Variants in HOOK3 observed in about 807,000 individuals in gnomAD.
HOOK3 encodes the protein protein Hook homolog 3.
Under a neutral mutation model 116.3 loss-of-function variants are expected in HOOK3, and 24 were observed. The observed-to-expected ratio is 0.21, with a 90% CI of 0.15 to 0.29. The LOEUF (loss-of-function observed/expected upper bound fraction) is 0.29. Ranked by LOEUF, HOOK3 falls within the 10% of genes least tolerant of loss-of-function variation. The probability of loss-of-function intolerance (pLI) is 1.00; values close to 1 mark genes in which losing one functional copy is unlikely to be tolerated. For missense variants in HOOK3, 632 were observed against 830.2 expected, an observed-to-expected ratio of 0.76 and a Z score of 2.93; for synonymous variants, 275 against 283.0, an observed-to-expected ratio of 0.97 and a Z score of 0.28.
Position 42,964,459 on chromosome 8 carries a change from A to G in HOOK3, c.764A>G (p.Gln255Arg). 2 of 1,609,526 alleles carry G rather than the reference A, an allele frequency of 1.2e-6. No homozygotes were observed. Among genetic ancestry groups the G allele is most frequent in the East Asian group, 4.5e-5 (2 of 44,874 alleles). ...CTCCAGACTCAATTAGAACAGCTCC[A>G]AGAAGAAACATTCAGGTAAAAGACA... ...LQLQTQLEQLQEETFRLEAAK... is the reference protein window; with the variant it reads ...LQLQTQLEQLREETFRLEAAK... Residue 255 changes from glutamine to arginine, a missense_variant, in exon 9 of 22, where the codon CAA becomes CGA. This residue lies in a region of HOOK3 where 483 missense variants were observed against 648.1 expected (regional missense o/e 0.75). Transcript: ENST00000307602.
At chr8:42,972,228 G>A (rs983797949) in intron 11 of HOOK3, among the ~76,000 whole-genome samples, 2 of 152,086 alleles carry the variant, frequency 1.3e-5, no homozygotes, top group African/African-American at 4.8e-5. Context: ...ATGGGTTGAG[G>A]TTTTGTTTCT....
intron 8 of HOOK3, 93 bp downstream of exon 8, chr8:42,959,407 T>A: frequency 2.4e-6 from 2 of 818,006 alleles, no homozygotes; most frequent in Non-Finnish European, 2.0e-6. Context: ...ACATCTTAAC[T>A]ATAACGCAAC....
Position 42,961,452 on chromosome 8 carries a change from G to T in HOOK3, c.615+2138G>T, listed in dbSNP as rs1808533044. 2.6e-5 allele frequency among the ~76,000 whole-genome samples: 4 copies of T among 152,144 alleles called. No homozygotes were observed. In the South Asian group the frequency reaches 6.2e-4, roughly 24 times the overall value. ...TAGGTGAGTGAGTGAATGAGTGGGT[G>T]GGTGACTGAGTGAAATGAATCAGTA... On this transcript the variant is annotated intron_variant, in intron 8 of 21. Coordinates refer to ENST00000307602, the MANE Select transcript of HOOK3 (RefSeq NM_032410.4).
At chr8:42,899,764 C>T (rs565642702) in intron 1 of HOOK3, among the ~76,000 whole-genome samples, 2 of 152,332 alleles carry the variant, frequency 1.3e-5, no homozygotes, top group African/African-American at 4.8e-5. Flanking sequence ...CAGCAAAATG[C>T]AGACAACTGT....
Position 43,018,600 on chromosome 8 carries a change from T to G in HOOK3, c.*102T>G. The G allele has an allele frequency of 8.3e-7, 1 of 1,199,502 alleles. No homozygotes were observed. The allele number at this position is 1,199,502 out of a possible 1,614,324, so 74.3% of individuals were successfully genotyped here. On this transcript the variant is annotated 3_prime_UTR_variant, in exon 22 of 22. Coordinates refer to ENST00000307602, the MANE Select transcript of HOOK3 (RefSeq NM_032410.4). ...TCAGCCAGCTTATTTTTTGTTTCTC[T>G]TCTATGTCAATACTTAGTGTTTCTC...
rs1401040803 is a variant in HOOK3 at position 43,025,879 on chromosome 8, T to C, written c.*7381T>C. 2 of 209,878 alleles carry C rather than the reference T, an allele frequency of 9.5e-6. No individual in the cohort carries two copies. Among genetic ancestry groups the C allele is most frequent in the Non-Finnish European group, 1.9e-5 (2 of 103,542 alleles). 13.0% of individuals were successfully genotyped at this position (209,878 alleles called of 1,614,324 possible). A position where few individuals can be genotyped will look rare whatever the true frequency, so the allele number is the denominator to read the frequency against. On this transcript the variant is annotated 3_prime_UTR_variant, in exon 22 of 22. Transcript: ENST00000307602. ...AAGGCAAAAGTAGACATTTTTAAAG[T>C]ATATTCAACATTGTGCCATTATTTA...
chr8:42,943,271 T>A, intron 4 of HOOK3, 42 bp from the exon 5 acceptor site: 4 of 1,195,802 alleles, frequency 3.3e-6, no homozygotes, highest in Non-Finnish European at 4.4e-6. Flanking sequence ...TTTTTGGTCA[T>A]ATAAATGTAA....
intron 11 of HOOK3, among the ~76,000 whole-genome samples, chr8:42,971,798 A>G (rs1808733000): frequency 1.3e-5 from 2 of 152,092 alleles, no homozygotes; most frequent in African/African-American, 4.8e-5. Flanking sequence ...CTCCTGCCAC[A>G]GTCTCCCGAG....
Position 42,943,405 on chromosome 8 carries a change from G to A in HOOK3, c.360G>A (p.Gln120=). The A allele has an allele frequency of 6.4e-7, 1 of 1,574,156 alleles. No homozygotes were observed. Among genetic ancestry groups the A allele is most frequent in the Non-Finnish European group, 8.6e-7 (1 of 1,159,554 alleles). Residue 120 remains glutamine (Q), a synonymous_variant, in exon 5 of 22, where the codon CAG becomes CAA. Transcript: ENST00000307602. ...CAGCAGAGCTTGGAAGGATGCTTCA[G>A]CTCATCTTAGGCTGTGCTGTGAACT... ...SDAAELGRML[Q]LILGCAVNCE... is the part of the protein sequence containing the mutation.
intron 1 of HOOK3, among the ~76,000 whole-genome samples, chr8:42,904,300 T>C (rs906750822): frequency 6.7e-6 from 1 of 149,850 alleles, no homozygotes; most frequent in Admixed American, 6.6e-5. Flanking sequence ...CTGCAGCCGG[T>C]ATGATCTTTT....
intron 1 of HOOK3, among the ~76,000 whole-genome samples, chr8:42,897,865 G>C (rs888338740): frequency 6.6e-6 from 1 of 152,206 alleles, no homozygotes; most frequent in Non-Finnish European, 1.5e-5. Context: ...TCCTGAAGCC[G>C]GGTCTTCAGG....
chr8:42,943,211 C>T, intron 4 of HOOK3, 102 bp from the exon 5 acceptor site: 2 of 638,696 alleles, frequency 3.1e-6, no homozygotes, highest in Non-Finnish European at 2.4e-6. Flanking sequence ...ATCACTCTGT[C>T]CTTGGCAATG....
In HOOK3 at chr8:43,004,055, G is replaced by A. The variant is rs1489987730; in HGVS notation, c.1655+1914G>A. Among the ~76,000 whole-genome samples, 3 of 152,076 alleles carry A rather than the reference G, an allele frequency of 2.0e-5. No homozygotes were observed. The East Asian group carries it at 5.8e-4, about 29-fold the overall frequency. On this transcript the variant is annotated intron_variant, in intron 17 of 21. Transcript: ENST00000307602. Reference sequence around the variant, plus strand: ...GGAGCCACAGATATCTCCAAATATGGCCAGCCTCATGCATATTTAAAATGA... The same window carrying A: ...GGAGCCACAGATATCTCCAAATATGACCAGCCTCATGCATATTTAAAATGA...
At chr8:43,011,367 C>G (rs941599886) in intron 19 of HOOK3, among the ~76,000 whole-genome samples, 1 of 151,814 alleles carries the variant, frequency 6.6e-6, no homozygotes, top group African/African-American at 2.4e-5. Context: ...GATTTGTGCT[C>G]AAGTATTTAA....
Position 42,897,073 on chromosome 8 carries a change from G to A in HOOK3, c.-59G>A. 2 of 1,216,058 alleles carry A rather than the reference G, an allele frequency of 1.6e-6. No individual in the cohort carries two copies. The highest frequency in any genetic ancestry group is 4.2e-5 in the South Asian group (1 of 24,016). The allele number at this position is 1,216,058 out of a possible 1,614,324, so 75.3% of individuals were successfully genotyped here. ...AGCTGCGCGGGCCCCCGGATCCCCC[G>A]ACAGAGCGGCGGCGGTGTCTGGCCA... On this transcript the variant is annotated 5_prime_UTR_variant, in exon 1 of 22. Coordinates refer to ENST00000307602, the MANE Select transcript of HOOK3 (RefSeq NM_032410.4).
intron 13 of HOOK3, among the ~76,000 whole-genome samples, chr8:42,978,084 C>A (rs545299582): frequency 6.6e-6 from 1 of 152,096 alleles, no homozygotes; most frequent in African/African-American, 2.4e-5. Context: ...ACTTATTTCT[C>A]CAGAGCCAGA....
At chr8:42,915,044 TAGGG>T (rs1807504707) in intron 2 of HOOK3, among the ~76,000 whole-genome samples, 1 of 152,184 alleles carries the variant, frequency 6.6e-6, no homozygotes, top group Non-Finnish European at 1.5e-5. Flanking sequence ...CTTTAGATAC[TAGGG>T]AAGTTTAATT....
Position 42,971,391 on chromosome 8 carries a change from C to T in HOOK3, c.1123-1898C>T, listed in dbSNP as rs1251446204. Among the ~76,000 whole-genome samples the T allele has an allele frequency of 3.9e-5, 6 of 152,052 alleles. No individual in the cohort carries two copies. The East Asian group carries it at 9.8e-4, about 25-fold the overall frequency. On this transcript the variant is annotated intron_variant, in intron 11 of 21. Transcript: ENST00000307602. ...AAGCGATTCTCCTGCCTCAGCCTCC[C>T]GAGTAGCTGGGATTACAGGCACCTG...
At chr8:42,969,045 G>A (rs1286298847) in intron 11 of HOOK3, among the ~76,000 whole-genome samples, 2 of 152,000 alleles carry the variant, frequency 1.3e-5, no homozygotes, top group African/African-American at 4.8e-5. Context: ...CATTTCTGCT[G>A]CTCTCTCAGT....
Sources: gnomAD v4.1 joint callset for allele counts (sites outside exome capture counted in the v4.1 genomes callset) on GRCh38, gnomAD v4.1.1 for gene constraint, gnomAD v4.1.1 regional missense constraint, MANE v1.5 for transcripts, NCBI Gene and HGNC (gene_info 2026-07-23, HGNC 2026-07-21) for gene names.